Variants in TOX observed in about 807,000 individuals in gnomAD.
TOX encodes thymocyte selection associated high mobility group box, also known as thymocyte selection-associated high mobility group box protein TOX.
In TOX, 11 loss-of-function variants were observed where a neutral mutation model predicts 53.7. That is an observed-to-expected ratio of 0.20 (90% CI 0.13 to 0.34). TOX has a LOEUF of 0.34. TOX is among the 10% of genes least tolerant of loss of function. The probability of loss-of-function intolerance (pLI) is 1.00; values close to 1 mark genes in which losing one functional copy is unlikely to be tolerated. For missense variants in TOX, 570 were observed against 664.6 expected (o/e 0.86, Z 1.56); for synonymous variants, 225 against 245.3 (o/e 0.92, Z 0.77).
intron 4 of TOX, among the ~76,000 whole-genome samples, chr8:58,843,955 T>C (rs1310342375): frequency 6.6e-6 from 1 of 152,228 alleles, no homozygotes; most frequent in African/African-American, 2.4e-5. Flanking sequence ...TACTTGGCTC[T>C]TATGACCACA....
intron 7 of TOX, among the ~76,000 whole-genome samples, chr8:58,813,139 A>AT (rs1209489678): frequency 3.3e-5 from 5 of 152,132 alleles, no homozygotes; most frequent in Non-Finnish European, 7.3e-5. Context: ...AATCTGTTCT[A>AT]TTTTTTCTTA....
chr8:58,980,005 G>C (rs1813172147), intron 1 of TOX, among the ~76,000 whole-genome samples: 1 of 152,300 alleles, frequency 6.6e-6, no homozygotes, highest in Admixed American at 6.5e-5. Flanking sequence ...TGGGGATGAT[G>C]AAAATGTTCT....
At chr8:58,813,303 G>C (rs1482990618) in intron 7 of TOX, among the ~76,000 whole-genome samples, 1 of 152,158 alleles carries the variant, frequency 6.6e-6, no homozygotes, top group African/African-American at 2.4e-5. Flanking sequence ...ATCTCTGATT[G>C]ATAAATCAGA....
intron 1 of TOX, among the ~76,000 whole-genome samples, chr8:58,997,846 GC>G (rs1195625389): frequency 6.6e-6 from 1 of 152,110 alleles, no homozygotes; most frequent in Non-Finnish European, 1.5e-5. Flanking sequence ...AGGCTGGAGT[GC>G]AGTGGCGCGA....
At chr8:59,109,591 CA>C (rs1804976286) in intron 1 of TOX, among the ~76,000 whole-genome samples, 1 of 152,060 alleles carries the variant, frequency 6.6e-6, no homozygotes, top group African/African-American at 2.4e-5. Context: ...TTATAGCCAT[CA>C]GGGGAGTGAG....
intron 1 of TOX, among the ~76,000 whole-genome samples, chr8:59,084,081 A>G (rs1488564260): frequency 1.3e-5 from 2 of 152,202 alleles, no homozygotes; most frequent in Admixed American, 1.3e-4. Flanking sequence ...TTCTTTACCC[A>G]TAGGTTTAAG....
chr8:58,865,778 C>T (rs374074071), intron 3 of TOX, among the ~76,000 whole-genome samples: 1 of 147,796 alleles, frequency 6.8e-6, no homozygotes, highest in South Asian at 2.2e-4. Flanking sequence ...AAGTAATATT[C>T]ATTTTGTCAT....
chr8:59,036,463 T>C (rs1259783201), intron 1 of TOX, among the ~76,000 whole-genome samples: 2 of 152,214 alleles, frequency 1.3e-5, no homozygotes, highest in Middle Eastern at 3.2e-3. Context: ...CTGCATTTTA[T>C]TGAAAATTCT....
intron 1 of TOX, among the ~76,000 whole-genome samples, chr8:59,028,717 A>T (rs1174205919): frequency 1.3e-5 from 2 of 152,258 alleles, no homozygotes; most frequent in Admixed American, 1.3e-4. Context: ...TTTTGAAAGA[A>T]CTTTTCTTTT....
At position 59,092,275 on chromosome 8, in the gene TOX, A is replaced by AT. The variant is rs1471859556; in HGVS notation, c.102+26610dup. Among the ~76,000 whole-genome samples the AT allele has an allele frequency of 1.6e-4, 15 of 91,886 alleles. 2 individuals are homozygous for AT. In the African/African-American group the frequency reaches 1.7e-3, roughly 11 times the overall value. The allele number at this position is 91,886 out of a possible 152,430, so 60.3% of individuals were successfully genotyped here. A position where few individuals can be genotyped will look rare whatever the true frequency, so the allele number is the denominator to read the frequency against. On this transcript the variant is annotated intron_variant, in intron 1 of 8. Transcript: ENST00000361421. Reference sequence around the variant, plus strand: ...TCATATATATATATTTTATATATATATATATATTATATATACATTATATAT... The same window carrying AT: ...TCATATATATATATTTTATATATATATTATATATTATATATACATTATATAT...
At chr8:59,112,343 T>C (rs751448896) in intron 1 of TOX, among the ~76,000 whole-genome samples, 6 of 152,226 alleles carry the variant, frequency 3.9e-5, no homozygotes, top group Admixed American at 2.6e-4. Flanking sequence ...GCACTTCCAT[T>C]ATAAACCACA....
At chr8:58,950,777 A>T (rs1812608871) in intron 2 of TOX, among the ~76,000 whole-genome samples, 1 of 152,134 alleles carries the variant, frequency 6.6e-6, no homozygotes, top group Admixed American at 6.5e-5. Context: ...GTGGGAAAAG[A>T]GTCCTGGACT....
chr8:59,025,213 T>G (rs1267853463), intron 1 of TOX, among the ~76,000 whole-genome samples: 1 of 152,156 alleles, frequency 6.6e-6, no homozygotes, highest in Non-Finnish European at 1.5e-5. Flanking sequence ...TAAAGGTCCC[T>G]CTCAGGATGA....
Position 58,821,927 on chromosome 8 carries a change from C to A in TOX, c.1005+4895G>T, listed in dbSNP as rs527253821. 2.0e-5 allele frequency among the ~76,000 whole-genome samples: 3 copies of A among 152,162 alleles called. No homozygotes were observed. The East Asian group carries it at 5.8e-4, about 29-fold the overall frequency. The stretch of plus-strand genomic sequence containing the variant: ...GGATTCGAATCCAGATCCACCCGCC[C>A]CAGAGACTACAGACTCCTCAGTCTG... On this transcript the variant is annotated intron_variant, in intron 6 of 8. Coordinates refer to ENST00000361421, the MANE Select transcript of TOX (RefSeq NM_014729.3).
intron 1 of TOX, among the ~76,000 whole-genome samples, chr8:58,962,199 A>T (rs1812811665): frequency 6.6e-6 from 1 of 152,218 alleles, no homozygotes; most frequent in African/African-American, 2.4e-5. Context: ...GAGTACATTC[A>T]GTGTTACTGC....
At chr8:59,101,550 C>T (rs1433548906) in intron 1 of TOX, among the ~76,000 whole-genome samples, 2 of 152,126 alleles carry the variant, frequency 1.3e-5, no homozygotes, top group Non-Finnish European at 2.9e-5. Flanking sequence ...ATTCATTCTC[C>T]TAGACTGCTG....
chr8:58,944,361 GTATTTCTATGGTTCTATAA>G (rs1237647605), intron 2 of TOX, among the ~76,000 whole-genome samples: 1 of 152,204 alleles, frequency 6.6e-6, no homozygotes, highest in Non-Finnish European at 1.5e-5. Context: ...AACCTCAAGA[GTATTTCTATGGTTCTATAA>G]TAGAGAGTCA....
intron 1 of TOX, among the ~76,000 whole-genome samples, chr8:59,074,895 A>T (rs73684882): frequency 0.016 from 2,402 of 152,308 alleles, 70 homozygotes; most frequent in African/African-American, 0.053. Flanking sequence ...ATAGGCAGCC[A>T]CTAGAGGAAT....
intron 3 of TOX, among the ~76,000 whole-genome samples, chr8:58,888,615 CA>C (rs1811510032): frequency 6.6e-6 from 1 of 151,176 alleles, no homozygotes; most frequent in African/African-American, 2.4e-5. Context: ...GCAGAAAGAG[CA>C]ATGAAAAACA....
Sources: gnomAD v4.1 joint callset for allele counts (sites outside exome capture counted in the v4.1 genomes callset) on GRCh38, gnomAD v4.1.1 for gene constraint, MANE v1.5 for transcripts, NCBI Gene and HGNC (gene_info 2026-07-23, HGNC 2026-07-21) for gene names.